Variants in DHCR24 observed in about 807,000 individuals in gnomAD.
DHCR24 encodes 24-dehydrocholesterol reductase.
Under a neutral mutation model 61.2 loss-of-function variants are expected in DHCR24, and 28 were observed. That is an observed-to-expected ratio of 0.46 (90% CI 0.34 to 0.63). The LOEUF is 0.63. Ranked by LOEUF, DHCR24 falls within the 20% of genes least tolerant of loss-of-function variation. The pLI is 0.01. For missense variants in DHCR24, 538 were observed against 679.1 expected (o/e 0.79, Z 2.31); for synonymous variants, 261 against 275.9 (o/e 0.95, Z 0.54).
chr1:54,855,068 G>A (rs1570179811), intron 6 of DHCR24, among the ~76,000 whole-genome samples: 2 of 152,184 alleles, frequency 1.3e-5, no homozygotes, highest in East Asian at 1.9e-4. Context: ...ACAGCTCTGG[G>A]AGCCCTTGAA....
intron 4 of DHCR24, 128 bp from the exon 5 acceptor site, chr1:54,871,741 A>G: frequency 7.5e-7 from 1 of 1,327,606 alleles, no homozygotes; most frequent in Non-Finnish European, 1.1e-6. Context: ...CCAAACAATG[A>G]GCTTTACAAA....
At chr1:54,885,862 G>A (rs1647091712) in intron 1 of DHCR24, among the ~76,000 whole-genome samples, 1 of 152,134 alleles carries the variant, frequency 6.6e-6, no homozygotes, top group Non-Finnish European at 1.5e-5. Context: ...GTGCAGGTGG[G>A]GAGGGAGGAC....
At chr1:54,853,389 G>A in intron 8 of DHCR24, 45 bp downstream of exon 8, 1 of 1,612,400 alleles carries the variant, frequency 6.2e-7, no homozygotes, top group Non-Finnish European at 8.5e-7. Flanking sequence ...GCAGTACCCT[G>A]GGGCTGTCAG....
At chr1:54,873,061 T>C (rs1296469852) in intron 4 of DHCR24, among the ~76,000 whole-genome samples, 1 of 152,248 alleles carries the variant, frequency 6.6e-6, no homozygotes, top group Admixed American at 6.5e-5. Flanking sequence ...GCTTTAAATG[T>C]TTGAATCCCA....
At chr1:54,873,005 C>T (rs903455393) in intron 4 of DHCR24, among the ~76,000 whole-genome samples, 6 of 152,156 alleles carry the variant, frequency 3.9e-5, no homozygotes, top group Admixed American at 3.9e-4. Flanking sequence ...AGGACAGATC[C>T]AAGGTTATTT....
Position 54,851,448 on chromosome 1 carries a change from G to C in DHCR24, c.*785C>G, listed in dbSNP as rs1386848557. On this transcript the variant is annotated 3_prime_UTR_variant, in exon 9 of 9. Transcript: ENST00000371269. ...AGCGGAGACCACTCTCTCCACCTAG[G>C]TGTCCCAGGCTGAGGCTGGGACAAG... 1 of 152,700 alleles carries C rather than the reference G, an allele frequency of 6.5e-6. No homozygotes were observed. The highest frequency in any genetic ancestry group is 1.5e-5 in the Non-Finnish European group (1 of 68,166). 9.5% of individuals were successfully genotyped at this position (152,700 alleles called of 1,614,324 possible).
intron 5 of DHCR24, among the ~76,000 whole-genome samples, chr1:54,869,612 T>C (rs1646986230): frequency 6.7e-6 from 1 of 148,908 alleles, no homozygotes; most frequent in Admixed American, 6.7e-5. Context: ...CACAGAGAAA[T>C]AGGTCTCGGC....
rs1335522591 is a variant in DHCR24, at chr1:54,884,029, CATT to C, written c.232-259_232-257del. Among the ~76,000 whole-genome samples the C allele has an allele frequency of 3.5e-4, 53 of 152,232 alleles. 1 individual carries two copies. The highest frequency in any genetic ancestry group is 2.1e-4 in the Non-Finnish European group (14 of 68,036). On this transcript the variant is annotated intron_variant, in intron 1 of 8. Transcript: ENST00000371269. ...AGAGAGGATCGAAGTGTTCTGAAAACATTAACTCTAGCTGGGAAGTTCAGAAAA... is the reference window on the plus strand; with the variant it reads ...AGAGAGGATCGAAGTGTTCTGAAAACAACTCTAGCTGGGAAGTTCAGAAAA...
chr1:54,855,615 G>A (rs532517209), intron 6 of DHCR24, among the ~76,000 whole-genome samples: 3 of 152,246 alleles, frequency 2.0e-5, no homozygotes, highest in Admixed American at 6.5e-5. Context: ...TAGGGGGCAC[G>A]GTGACTCCCC....
chr1:54,868,601 G>A (rs1180859), intron 5 of DHCR24, among the ~76,000 whole-genome samples: 152,288 of 152,364 alleles, frequency 1, 76,106 homozygotes, highest in Non-Finnish European at 1. Context: ...CATTTCCTCA[G>A]TGCAAGGTGC....
intron 4 of DHCR24, among the ~76,000 whole-genome samples, chr1:54,874,103 A>G: frequency 6.6e-6 from 1 of 152,268 alleles, no homozygotes; most frequent in Non-Finnish European, 1.5e-5. Context: ...TACAAGAGTC[A>G]AAAGTTTTTA....
chr1:54,857,662 A>C (rs1446621058), intron 6 of DHCR24, among the ~76,000 whole-genome samples: 1 of 152,264 alleles, frequency 6.6e-6, no homozygotes, highest in Non-Finnish European at 1.5e-5. Context: ...TAAAATTCAT[A>C]CTAATAATTT....
chr1:54,858,453 A>T (rs1646919276), intron 6 of DHCR24, among the ~76,000 whole-genome samples: 1 of 152,170 alleles, frequency 6.6e-6, no homozygotes, highest in African/African-American at 2.4e-5. Flanking sequence ...GATCAGCACA[A>T]TGACAGATCC....
chr1:54,884,476 A>C (rs1415923361), intron 1 of DHCR24, among the ~76,000 whole-genome samples: 1 of 152,122 alleles, frequency 6.6e-6, no homozygotes, highest in East Asian at 1.9e-4. Context: ...GTTTTACAAA[A>C]CCTCTAAGGT....
intron 4 of DHCR24, among the ~76,000 whole-genome samples, chr1:54,873,109 A>T (rs1249061963): frequency 2.6e-5 from 4 of 152,274 alleles, no homozygotes; most frequent in Non-Finnish European, 5.9e-5. Context: ...TTTCTAAAAC[A>T]TCCTCTCTAA....
Position 54,852,182 on chromosome 1 carries a change from G to A in DHCR24, c.*51C>T, listed in dbSNP as rs371775239. The A allele has an allele frequency of 3.2e-5, 52 of 1,610,286 alleles. 1 individual carries two copies. Among genetic ancestry groups the A allele is most frequent in the Non-Finnish European group, 4.2e-5 (50 of 1,177,480 alleles). On this transcript the variant is annotated 3_prime_UTR_variant, in exon 9 of 9. Transcript: ENST00000371269. Reference sequence around the variant, plus strand: ...GGAAAGCAGCCAAGCTTGAGTGAAGGGAAGATGCCTGACCACTCACACGTG... The same window carrying A: ...GGAAAGCAGCCAAGCTTGAGTGAAGAGAAGATGCCTGACCACTCACACGTG...
At chr1:54,873,371 T>TA (rs1344471238) in intron 4 of DHCR24, among the ~76,000 whole-genome samples, 1 of 152,256 alleles carries the variant, frequency 6.6e-6, no homozygotes, top group Non-Finnish European at 1.5e-5. Flanking sequence ...TAATACTTGA[T>TA]AATGATAAAT....
chr1:54,881,691 G>A (rs1647064632), intron 2 of DHCR24, among the ~76,000 whole-genome samples: 1 of 152,156 alleles, frequency 6.6e-6, no homozygotes, highest in Admixed American at 6.5e-5. Flanking sequence ...ACATGCATGT[G>A]TATGTTTACT....
At chr1:54,861,107 C>T (rs1451478917) in intron 6 of DHCR24, among the ~76,000 whole-genome samples, 1 of 152,112 alleles carries the variant, frequency 6.6e-6, no homozygotes, top group Admixed American at 6.5e-5. Context: ...TCTTATCTTC[C>T]ACATGTCCTT....
Sources: gnomAD v4.1 joint callset for allele counts (sites outside exome capture counted in the v4.1 genomes callset) on GRCh38, gnomAD v4.1.1 for gene constraint, MANE v1.5 for transcripts, NCBI Gene and HGNC (gene_info 2026-07-23, HGNC 2026-07-21) for gene names.